Variants in SLC12A6 observed in about 807,000 individuals in gnomAD.
SLC12A6 encodes K-Cl cotransporter 3.
In SLC12A6, 66 loss-of-function variants were observed where a neutral mutation model predicts 135.3. The observed-to-expected ratio is 0.49, with a 90% CI of 0.40 to 0.60. SLC12A6 has a LOEUF of 0.60. Ranked by LOEUF, SLC12A6 falls within the 20% of genes least tolerant of loss-of-function variation. SLC12A6 has a pLI of 0.00. For synonymous variants in SLC12A6, 513 were observed against 508.8 expected, an observed-to-expected ratio of 1.01 and a Z score of -0.11; for missense variants, 1,058 against 1,452.3, an observed-to-expected ratio of 0.73 and a Z score of 4.41.
intron 2 of SLC12A6, among the ~76,000 whole-genome samples, chr15:34,316,458 A>T (rs1888659439): frequency 6.6e-6 from 1 of 152,226 alleles, no homozygotes; most frequent in African/African-American, 2.4e-5. Flanking sequence ...CTACCCTTGA[A>T]TTTAACCTTA....
chr15:34,323,845 G>T (rs1282355009), intron 2 of SLC12A6, among the ~76,000 whole-genome samples: 1 of 151,828 alleles, frequency 6.6e-6, no homozygotes, highest in Non-Finnish European at 1.5e-5. Flanking sequence ...CCCAGCTGAG[G>T]CAGGAGGATT....
intron 2 of SLC12A6, among the ~76,000 whole-genome samples, chr15:34,334,536 C>T (rs1055616766): frequency 1.3e-5 from 2 of 151,348 alleles, no homozygotes; most frequent in Non-Finnish European, 2.9e-5. Context: ...CACATGATGA[C>T]AGTCATCATA....
At chr15:34,279,815 G>T (rs377733893) in intron 2 of SLC12A6, among the ~76,000 whole-genome samples, 4 of 152,230 alleles carry the variant, frequency 2.6e-5, no homozygotes, top group South Asian at 4.1e-4. Context: ...CAAAATGATA[G>T]ATCAAATAAA....
chr15:34,333,844 G>A (rs1196059752), intron 2 of SLC12A6, among the ~76,000 whole-genome samples: 4 of 151,994 alleles, frequency 2.6e-5, no homozygotes, highest in South Asian at 2.1e-4. Flanking sequence ...GCCAAGGTGG[G>A]TGTATCTCCT....
At chr15:34,257,451 T>C (rs1034268438) in intron 6 of SLC12A6, 191 bp downstream of exon 6, 4 of 587,794 alleles carry the variant, frequency 6.8e-6, no homozygotes, top group South Asian at 2.0e-5. Context: ...ATATAATAGA[T>C]AGCAAGCAGT....
chr15:34,301,488 C>A (rs770958560), intron 2 of SLC12A6, among the ~76,000 whole-genome samples: 23 of 152,300 alleles, frequency 1.5e-4, no homozygotes, highest in South Asian at 6.2e-4. Context: ...ATTATTGACA[C>A]TATGACTGTA....
At chr15:34,238,908 A>G (rs1181607001) in intron 20 of SLC12A6, 57 bp downstream of exon 20, 2 of 1,441,676 alleles carry the variant, frequency 1.4e-6, no homozygotes, top group Non-Finnish European at 2.0e-6. Flanking sequence ...GGTGACAGAG[A>G]TTTAACTATA....
intron 24 of SLC12A6, 57 bp downstream of exon 24, chr15:34,235,958 A>G: frequency 7.5e-7 from 1 of 1,335,468 alleles, no homozygotes; most frequent in Non-Finnish European, 1.1e-6. Context: ...AGGCAAAGTC[A>G]CATTTGTGCC....
chr15:34,325,068 A>G (rs1023067742), intron 2 of SLC12A6, among the ~76,000 whole-genome samples: 2 of 152,200 alleles, frequency 1.3e-5, no homozygotes, highest in African/African-American at 4.8e-5. Flanking sequence ...AATAATAAAC[A>G]GCTCATGGGC....
At chr15:34,255,159 T>G (rs1892661335) in intron 8 of SLC12A6, 103 bp downstream of exon 8, 3 of 980,320 alleles carry the variant, frequency 3.1e-6, no homozygotes, top group Non-Finnish European at 4.9e-6. Flanking sequence ...GTCAATCACC[T>G]GATTTATTCC....
chr15:34,242,495 A>C (rs1891709946), intron 16 of SLC12A6, among the ~76,000 whole-genome samples: 1 of 152,198 alleles, frequency 6.6e-6, no homozygotes, highest in South Asian at 2.1e-4. Flanking sequence ...GTAGATGTGC[A>C]CTAAACCCCA....
At chr15:34,256,928 CA>C (rs1383821757) in intron 6 of SLC12A6, among the ~76,000 whole-genome samples, 1 of 152,150 alleles carries the variant, frequency 6.6e-6, no homozygotes, top group East Asian at 1.9e-4. Context: ...AAGCCAAACA[CA>C]GCCTTGAGGT....
rs1161745955 is a variant in SLC12A6 at position 34,290,973 on chromosome 15, C to T, written c.272-15584G>A. Among the ~76,000 whole-genome samples, 8 of 152,282 alleles carry T rather than the reference C, an allele frequency of 5.3e-5. No homozygotes were observed. The East Asian group carries it at 1.5e-3, about 29-fold the overall frequency. ...GTGTCTTTTAATTGGGGCACTTACC[C>T]TATTTACATTTAAGGTTAATAATTG... On this transcript the variant is annotated intron_variant, in intron 2 of 25. Transcript: ENST00000354181.
chr15:34,257,697 A>G lies in SLC12A6; in HGVS notation c.635T>C (p.Val212Ala). 1.2e-6 allele frequency: 2 copies of G among 1,613,032 alleles called. No individual in the cohort carries two copies. The highest frequency in any genetic ancestry group is 1.7e-6 in the Non-Finnish European group (2 of 1,179,032). Residue 212 changes from valine (V) to alanine (A), a missense_variant, in exon 6 of 26, where the codon GTG becomes GCG. Physicochemically the swap from Val to Ala is moderately conservative, Grantham distance 64. Transcript: ENST00000354181. Reference protein sequence around the residue: ...VILFLRLTWVVGTAGVLQAFA... With the variant: ...VILFLRLTWVAGTAGVLQAFA... ...AGCCTGAAGAACTCCAGCTGTGCCC[A>G]CCACCCATGTAAGGCGTAAAAAAAG...
At chr15:34,264,852 T>C (rs965986986) in intron 3 of SLC12A6, among the ~76,000 whole-genome samples, 3 of 152,200 alleles carry the variant, frequency 2.0e-5, no homozygotes, top group Non-Finnish European at 4.4e-5. Flanking sequence ...AAGTTATAAA[T>C]AGAAAAATGT....
rs780070643 is a variant in SLC12A6, at chr15:34,312,622, C to T, written c.271+23788G>A. 9.3e-4 allele frequency among the ~76,000 whole-genome samples: 142 copies of T among 152,206 alleles called. 3 individuals are homozygous for T. Among genetic ancestry groups the T allele is most frequent in the Non-Finnish European group, 3.1e-4 (21 of 68,038 alleles). ...AAGTCCGAGTTTCTGCTTTTCCCTT[C>T]GAAACCCAGGGTTTTGAAATTAAGC... On this transcript the variant is annotated intron_variant, in intron 2 of 25. Transcript: ENST00000354181.
At position 34,254,589 on chromosome 15, in the gene SLC12A6, C is replaced by A. The variant is rs1466259736; in HGVS notation, c.877G>T (p.Val293Phe). The change falls in exon 9 of 26, where the codon GTC (valine) becomes TTC (phenylalanine). Residue 293 changes from valine to phenylalanine, a missense_variant and splice_region_variant. Around this residue, in one of 6 missense-constraint regions of SLC12A6, gnomAD observed 297 missense variants for 318.5 expected, o/e 0.93. Coordinates refer to ENST00000354181, the MANE Select transcript of SLC12A6 (RefSeq NM_001365088.1). ...YILGAIEIFL[V>F]YIVPRAAIFH... ...ATGGCAGCTCGGGGGACGATATAGA[C>A]CTGTTAGGTAAAAATAAAGGAGAAA... The A allele has an allele frequency of 1.2e-6, 2 of 1,600,902 alleles. No individual in the cohort carries two copies. Among genetic ancestry groups the A allele is most frequent in the Admixed American group, 1.7e-5 (1 of 59,990 alleles).
At chr15:34,324,782 G>C (rs1420188191) in intron 2 of SLC12A6, among the ~76,000 whole-genome samples, 2 of 152,052 alleles carry the variant, frequency 1.3e-5, no homozygotes. Flanking sequence ...CATTTAGAAG[G>C]TTAGGCGAAC....
At chr15:34,273,879 C>T (rs75339074) in intron 3 of SLC12A6, among the ~76,000 whole-genome samples, 1 of 151,416 alleles carries the variant, frequency 6.6e-6, no homozygotes, top group Non-Finnish European at 1.5e-5. Context: ...ATTAATAATA[C>T]CTGTTTTTTT....
Sources: gnomAD v4.1 joint callset for allele counts (sites outside exome capture counted in the v4.1 genomes callset) on GRCh38, gnomAD v4.1.1 for gene constraint, gnomAD v4.1.1 regional missense constraint, MANE v1.5 for transcripts, NCBI Gene and HGNC (gene_info 2026-07-23, HGNC 2026-07-21) for gene names.